RIT2: variants seen among roughly 807,000 people sequenced by gnomAD.
RIT2 encodes Ras like without CAAX 2.
RIT2 carries 24 observed loss-of-function variants against 23.7 expected under a neutral mutation model. The observed-to-expected ratio is 1.01, with a 90% CI of 0.73 to 1.43. The LOEUF (loss-of-function observed/expected upper bound fraction) is 1.43, where lower values mean the gene tolerates loss of function less well. Among genes scored for constraint, RIT2 ranks in the 40% most tolerant of loss-of-function variants. RIT2 has a pLI of 0.00. For synonymous variants in RIT2, 107 were observed against 91.1 expected, an observed-to-expected ratio of 1.17 and a Z score of -0.99; for missense variants, 236 against 266.9, an observed-to-expected ratio of 0.88 and a Z score of 0.81.
intron 3 of RIT2, among the ~76,000 whole-genome samples, chr18:42,949,866 G>A (rs372272098): frequency 3.3e-5 from 5 of 152,024 alleles, no homozygotes; most frequent in East Asian, 3.9e-4. Flanking sequence ...GTTCCTGAAG[G>A]GAGCATTTTT....
At chr18:42,844,449 G>A (rs1307149800) in intron 4 of RIT2, among the ~76,000 whole-genome samples, 2 of 152,158 alleles carry the variant, frequency 1.3e-5, no homozygotes, top group Non-Finnish European at 2.9e-5. Context: ...ATTAAGTGAT[G>A]GAAGTGGTTC....
At chr18:43,030,856 C>A (rs532375917) in intron 2 of RIT2, among the ~76,000 whole-genome samples, 1 of 151,994 alleles carries the variant, frequency 6.6e-6, no homozygotes, top group African/African-American at 2.4e-5. Context: ...ACATCTACTA[C>A]GGAAAATCAG....
At chr18:43,018,295 T>A (rs909541710) in intron 2 of RIT2, among the ~76,000 whole-genome samples, 2 of 151,956 alleles carry the variant, frequency 1.3e-5, no homozygotes, top group Non-Finnish European at 2.9e-5. Context: ...TTGGGCTGCT[T>A]ACTTGCAGAG....
intron 1 of RIT2, among the ~76,000 whole-genome samples, chr18:43,113,391 T>C (rs1438239114): frequency 2.6e-5 from 4 of 152,194 alleles, no homozygotes; most frequent in African/African-American, 2.4e-5. Context: ...TATCTTTCTC[T>C]GAGAATGAGC....
chr18:42,840,588 G>A (rs1906737759), intron 4 of RIT2, among the ~76,000 whole-genome samples: 1 of 152,184 alleles, frequency 6.6e-6, no homozygotes, highest in Middle Eastern at 3.4e-3. Flanking sequence ...TGCATCCTCT[G>A]CCTCCCAGGC....
intron 2 of RIT2, among the ~76,000 whole-genome samples, chr18:42,992,541 C>A (rs1910877933): frequency 6.6e-6 from 1 of 152,046 alleles, no homozygotes; most frequent in Admixed American, 6.6e-5. Context: ...CTCTCTCTTC[C>A]TACCCAGGCC....
chr18:42,801,191 C>G (rs1186242126), intron 4 of RIT2, among the ~76,000 whole-genome samples: 1 of 152,056 alleles, frequency 6.6e-6, no homozygotes, highest in African/African-American at 2.4e-5. Context: ...AGAGAAGCAC[C>G]AAGCTTCACT....
At chr18:42,861,335 T>C (rs1252442795) in intron 4 of RIT2, among the ~76,000 whole-genome samples, 2 of 152,184 alleles carry the variant, frequency 1.3e-5, no homozygotes, top group East Asian at 3.9e-4. Flanking sequence ...TTCTCTGAAA[T>C]ATGCTTGACC....
intron 4 of RIT2, chr18:42,920,781 C>T (rs1909035957): frequency 6.4e-7 from 1 of 1,551,880 alleles, no homozygotes; most frequent in Non-Finnish European, 8.8e-7. Context: ...ATAAGAATTG[C>T]TTAGTGAGAA....
chr18:43,075,904 C>T (rs1913002397), intron 1 of RIT2, among the ~76,000 whole-genome samples: 1 of 152,106 alleles, frequency 6.6e-6, no homozygotes, highest in Non-Finnish European at 1.5e-5. Context: ...GAATCCAAAG[C>T]TCATTTCCTT....
At chr18:42,874,357 AC>A (rs1432726630) in intron 4 of RIT2, among the ~76,000 whole-genome samples, 1 of 152,098 alleles carries the variant, frequency 6.6e-6, no homozygotes, top group African/African-American at 2.4e-5. Flanking sequence ...GTTTTCTTCT[AC>A]TTTTTTATAT....
At chr18:43,058,962 C>T (rs1598765669) in intron 1 of RIT2, among the ~76,000 whole-genome samples, 1 of 151,990 alleles carries the variant, frequency 6.6e-6, no homozygotes, top group African/African-American at 2.4e-5. Context: ...TTCCCTGTCT[C>T]CTGCTCCTCA....
chr18:42,852,211 C>A lies in RIT2; in HGVS notation c.426+71361G>T, dbSNP rs531400264. On this transcript the variant is annotated intron_variant, in intron 4 of 4. Coordinates refer to ENST00000326695, the MANE Select transcript of RIT2 (RefSeq NM_002930.4). ...AATGGTAGCAGATTATGATATAATTCTCTCTCATTTTTAGTTTAATACATT... is the reference window on the plus strand; with the variant it reads ...AATGGTAGCAGATTATGATATAATTATCTCTCATTTTTAGTTTAATACATT... Among the ~76,000 whole-genome samples the A allele has an allele frequency of 1.6e-4, 24 of 152,282 alleles. 1 individual carries two copies. In the South Asian group the frequency reaches 4.1e-3, roughly 26 times the overall value.
At chr18:42,939,378 C>T (rs979401011) in intron 3 of RIT2, among the ~76,000 whole-genome samples, 2 of 152,146 alleles carry the variant, frequency 1.3e-5, no homozygotes, top group African/African-American at 4.8e-5. Flanking sequence ...AAAATTTCCT[C>T]TTGTAATCTG....
chr18:42,959,386 C>G (rs1274866000), intron 3 of RIT2, among the ~76,000 whole-genome samples: 2 of 152,126 alleles, frequency 1.3e-5, no homozygotes, highest in African/African-American at 4.8e-5. Context: ...TCAGGAATTA[C>G]AGTATATATA....
intron 4 of RIT2, among the ~76,000 whole-genome samples, chr18:42,794,288 T>C (rs928854189): frequency 2.6e-5 from 4 of 152,158 alleles, no homozygotes; most frequent in African/African-American, 9.7e-5. Context: ...GCCATGGTTC[T>C]TCCCTGACTT....
intron 1 of RIT2, among the ~76,000 whole-genome samples, chr18:43,103,672 G>C (rs961765844): frequency 6.6e-6 from 1 of 152,128 alleles, no homozygotes; most frequent in African/African-American, 2.4e-5. Flanking sequence ...GGAGGAGAGA[G>C]CTTATTTTAA....
chr18:42,939,364 T>A lies in RIT2; in HGVS notation c.235-15601A>T, dbSNP rs147736910. On this transcript the variant is annotated intron_variant, in intron 3 of 4. Transcript: ENST00000326695. ...AAGTCCGTTATTACAACTAAAGCTCTGTAAAAATTTCCTCTTGTAATCTGC... is the reference window on the plus strand; with the variant it reads ...AAGTCCGTTATTACAACTAAAGCTCAGTAAAAATTTCCTCTTGTAATCTGC... Among the ~76,000 whole-genome samples, 880 of 152,280 alleles carry A rather than the reference T, an allele frequency of 5.8e-3. 8 individuals carry two copies. Among genetic ancestry groups the A allele is most frequent in the African/African-American group, 0.018 (767 of 41,568 alleles).
chr18:42,818,444 T>C (rs886859582), intron 4 of RIT2, among the ~76,000 whole-genome samples: 22 of 152,100 alleles, frequency 1.4e-4, no homozygotes, highest in Admixed American at 6.6e-5. Context: ...AATGATAGAC[T>C]GTACAGTGCT....
Sources: gnomAD v4.1 joint callset for allele counts (sites outside exome capture counted in the v4.1 genomes callset) on GRCh38, gnomAD v4.1.1 for gene constraint, MANE v1.5 for transcripts, NCBI Gene and HGNC (gene_info 2026-07-23, HGNC 2026-07-21) for gene names.